SORCS2: variants seen among roughly 807,000 people sequenced by gnomAD.
The protein encoded by SORCS2 is sortilin related VPS10 domain containing receptor 2, also known as VPS10 domain-containing receptor SorCS2.
A neutral mutation model predicts 141.6 loss-of-function variants in SORCS2; 100 were observed. The ratio of observed to expected loss-of-function variants is 0.71; its 90% CI spans 0.60 to 0.83. SORCS2 has a LOEUF of 0.83. SORCS2 is among the 40% of genes least tolerant of loss of function. The pLI is 0.00. For missense variants in SORCS2, 1,646 were observed against 1,560.2 expected (o/e 1.05, Z -0.93); for synonymous variants, 789 against 676.9 (o/e 1.17, Z -2.57).
intron 4 of SORCS2, among the ~76,000 whole-genome samples, chr4:7,649,835 A>G (rs763954792): frequency 3.9e-5 from 6 of 152,168 alleles, no homozygotes; most frequent in Middle Eastern, 3.2e-3. Flanking sequence ...TGTCTGCAAC[A>G]GCAGTGACAT....
rs890611212 is a variant in SORCS2, at chr4:7,335,113, G to A, written c.481-61175G>A. Among the ~76,000 whole-genome samples the A allele has an allele frequency of 4.6e-5, 7 of 152,122 alleles. No homozygotes were observed. The East Asian group carries it at 5.8e-4, about 13-fold the overall frequency. ...CTTCAGCTCCCATTCTGCAGCACCC[G>A]GCCCAGAGCTGGGAATCTGTGCCGT... On this transcript the variant is annotated intron_variant, in intron 1 of 26. Transcript: ENST00000507866.
Position 7,531,647 on chromosome 4 carries a change from G to A in SORCS2, c.648+18G>A. 1 of 1,608,068 alleles carries A rather than the reference G, an allele frequency of 6.2e-7. No individual in the cohort carries two copies. Among genetic ancestry groups the A allele is most frequent in the Non-Finnish European group, 8.5e-7 (1 of 1,176,226 alleles). On this transcript the variant is annotated intron_variant, in intron 3 of 26. Transcript: ENST00000507866. ...AGAGGAAGGTAGGTGCTGGCTGGGG[G>A]TGGCCGCCACTCTGGCTCTCGCCTT...
At chr4:7,499,179 T>C (rs997575607) in intron 2 of SORCS2, among the ~76,000 whole-genome samples, 1 of 152,080 alleles carries the variant, frequency 6.6e-6, no homozygotes, top group Admixed American at 6.5e-5. Flanking sequence ...TGCATGTATG[T>C]GTATGCATGT....
intron 1 of SORCS2, among the ~76,000 whole-genome samples, chr4:7,283,502 C>G (rs546172076): frequency 1.3e-5 from 2 of 152,118 alleles, no homozygotes; most frequent in Admixed American, 6.5e-5. Flanking sequence ...TGGAGTGATT[C>G]CAGGTTTCCC....
intron 3 of SORCS2, among the ~76,000 whole-genome samples, chr4:7,549,907 G>A (rs1176764247): frequency 6.6e-6 from 1 of 152,192 alleles, no homozygotes; most frequent in Non-Finnish European, 1.5e-5. Flanking sequence ...CAGGGCCTGT[G>A]AAAGCTGGCC....
At chr4:7,420,322 A>G (rs994436250) in intron 2 of SORCS2, among the ~76,000 whole-genome samples, 7 of 152,176 alleles carry the variant, frequency 4.6e-5, no homozygotes, top group African/African-American at 1.7e-4. Context: ...CCCCATCTGT[A>G]AAATGGGCAC....
chr4:7,196,914 C>A (rs1727206119), intron 1 of SORCS2, among the ~76,000 whole-genome samples: 1 of 152,198 alleles, frequency 6.6e-6, no homozygotes. Flanking sequence ...CATGGCCTCT[C>A]CCCAAGTTTG....
intron 2 of SORCS2, among the ~76,000 whole-genome samples, chr4:7,448,715 C>T: frequency 7.7e-6 from 1 of 130,388 alleles, no homozygotes; most frequent in African/African-American, 2.8e-5. Context: ...TCTCCCCTCC[C>T]TTCTTCCTCC....
chr4:7,328,237 T>C (rs1009632840), intron 1 of SORCS2, among the ~76,000 whole-genome samples: 3 of 150,616 alleles, frequency 2.0e-5, no homozygotes, highest in Non-Finnish European at 4.4e-5. Flanking sequence ...GGTTTTACCA[T>C]GTTGGCCAGG....
intron 2 of SORCS2, among the ~76,000 whole-genome samples, chr4:7,472,552 C>T (rs770012000): frequency 3.3e-5 from 5 of 150,674 alleles, no homozygotes; most frequent in Non-Finnish European, 5.9e-5. Context: ...TGCTGCCCTC[C>T]GGGAGGGCCC....
rs557239913 is a variant in SORCS2 at position 7,465,395 on chromosome 4, T to G, written c.549-66135T>G. 5.9e-5 allele frequency among the ~76,000 whole-genome samples: 9 copies of G among 152,340 alleles called. No individual in the cohort carries two copies. In the East Asian group the frequency reaches 1.5e-3, roughly 26 times the overall value. On this transcript the variant is annotated intron_variant, in intron 2 of 26. Coordinates refer to ENST00000507866, the MANE Select transcript of SORCS2 (RefSeq NM_020777.3). Reference sequence around the variant, plus strand: ...GGTATTCGGGCTTTATCCAAGCTGCTGTGGGAGCTGGCTGGGAGGGGAGGG... The same window carrying G: ...GGTATTCGGGCTTTATCCAAGCTGCGGTGGGAGCTGGCTGGGAGGGGAGGG...
At chr4:7,707,480 C>T (rs867657823) in intron 14 of SORCS2, among the ~76,000 whole-genome samples, 3 of 152,232 alleles carry the variant, frequency 2.0e-5, no homozygotes, top group Admixed American at 6.5e-5. Context: ...GTGGACCCCT[C>T]TCAGGGTATT....
At chr4:7,416,006 A>G (rs976614859) in intron 2 of SORCS2, among the ~76,000 whole-genome samples, 1 of 152,200 alleles carries the variant, frequency 6.6e-6, no homozygotes, top group Non-Finnish European at 1.5e-5. Context: ...ACACAGAGGC[A>G]TGTAGCAGCC....
Position 7,700,920 on chromosome 4 carries a change from G to T in SORCS2, c.1669-2360G>T, listed in dbSNP as rs1408694500. Among the ~76,000 whole-genome samples the T allele has an allele frequency of 2.0e-5, 3 of 152,220 alleles. No homozygotes were observed. The East Asian group carries it at 5.8e-4, about 29-fold the overall frequency. On this transcript the variant is annotated intron_variant, in intron 12 of 26. Coordinates refer to ENST00000507866, the MANE Select transcript of SORCS2 (RefSeq NM_020777.3). ...GTGTCTGGCAGTCACCAGCTGTGTG[G>T]CTTCAGGCAAGTCACTGTGTCTCTG...
chr4:7,415,456 A>G (rs2109168512), intron 2 of SORCS2, among the ~76,000 whole-genome samples: 1 of 152,254 alleles, frequency 6.6e-6, no homozygotes, highest in African/African-American at 2.4e-5. Flanking sequence ...GTTGTCCCAC[A>G]TTGTTCTCTG....
intron 12 of SORCS2, among the ~76,000 whole-genome samples, chr4:7,702,266 T>G (rs1053530914): frequency 6.6e-6 from 1 of 152,118 alleles, no homozygotes; most frequent in Non-Finnish European, 1.5e-5. Flanking sequence ...GGGGCCACTT[T>G]CGAGGAGGGG....
At chr4:7,531,876 C>T (rs780953589) in intron 3 of SORCS2, among the ~76,000 whole-genome samples, 9 of 152,216 alleles carry the variant, frequency 5.9e-5, no homozygotes, top group African/African-American at 1.2e-4. Flanking sequence ...TTTGTCTTCC[C>T]GCTGGTTGGG....
At chr4:7,272,059 G>T (rs1298818298) in intron 1 of SORCS2, among the ~76,000 whole-genome samples, 3 of 152,202 alleles carry the variant, frequency 2.0e-5, no homozygotes, top group African/African-American at 4.8e-5. Context: ...CGTGGATGGG[G>T]TTTCCAATGG....
chr4:7,409,072 C>T (rs1725145930), intron 2 of SORCS2, among the ~76,000 whole-genome samples: 1 of 152,208 alleles, frequency 6.6e-6, no homozygotes, highest in South Asian at 2.1e-4. Flanking sequence ...GAGTCAGTTA[C>T]TGGTTTCTTA....
Sources: gnomAD v4.1 joint callset for allele counts (sites outside exome capture counted in the v4.1 genomes callset) on GRCh38, gnomAD v4.1.1 for gene constraint, MANE v1.5 for transcripts, NCBI Gene and HGNC (gene_info 2026-07-23, HGNC 2026-07-21) for gene names.